ENOX1: variants seen among roughly 807,000 people sequenced by gnomAD.
The protein encoded by ENOX1 is candidate growth-related and time keeping constitutive hydroquinone (NADH) oxidase.
In ENOX1, 42 loss-of-function variants were observed where a neutral mutation model predicts 82.5. That is an observed-to-expected ratio of 0.51 (90% confidence interval 0.40 to 0.66). The LOEUF (loss-of-function observed/expected upper bound fraction) is 0.66, where lower values mean the gene tolerates loss of function less well. Among genes scored for constraint, ENOX1 ranks in the 30% least tolerant of loss-of-function variants. The pLI is 0.00. For synonymous variants in ENOX1, 271 were observed against 282.2 expected (o/e 0.96, Z 0.40); for missense variants, 608 against 811.6 (o/e 0.75, Z 3.05).
chr13:43,618,138 C>T (rs953638452), intron 2 of ENOX1, among the ~76,000 whole-genome samples: 1 of 151,986 alleles, frequency 6.6e-6, no homozygotes, highest in African/African-American at 2.4e-5. Flanking sequence ...AATGTATAGA[C>T]TGTGAAGTCC....
chr13:43,608,411 T>A (rs2082060400), intron 2 of ENOX1, among the ~76,000 whole-genome samples: 1 of 152,174 alleles, frequency 6.6e-6, no homozygotes, highest in Admixed American at 6.5e-5. Context: ...GAATCGCCAA[T>A]CCAATGAAAA....
intron 1 of ENOX1, among the ~76,000 whole-genome samples, chr13:43,780,459 T>C (rs1952197497): frequency 6.6e-6 from 1 of 152,166 alleles, no homozygotes; most frequent in South Asian, 2.1e-4. Flanking sequence ...TTATCAGCTT[T>C]TACACTTTGA....
chr13:43,437,730 T>C (rs1410844696), intron 3 of ENOX1, among the ~76,000 whole-genome samples: 1 of 152,208 alleles, frequency 6.6e-6, no homozygotes, highest in East Asian at 1.9e-4. Flanking sequence ...CTTTTTCCCA[T>C]TCATTCAGTG....
In ENOX1 at chr13:43,350,068, A is replaced by G. The variant is rs1276473920; in HGVS notation, c.824-5318T>C. 2.0e-5 allele frequency among the ~76,000 whole-genome samples: 3 copies of G among 152,240 alleles called. No homozygotes were observed. The East Asian group carries it at 5.8e-4, about 29-fold the overall frequency. ...TAATCTCTGACTAGGCTATTTTACA[A>G]CTTTGTAGGAGTAGAACATAAATTG... On this transcript the variant is annotated intron_variant, in intron 8 of 16. Coordinates refer to ENST00000690772, the MANE Select transcript of ENOX1 (RefSeq NM_001347969.2).
intron 11 of ENOX1, among the ~76,000 whole-genome samples, chr13:43,317,821 C>T (rs1010727428): frequency 6.6e-5 from 10 of 151,446 alleles, no homozygotes; most frequent in African/African-American, 1.7e-4. Context: ...CTGGCTAACA[C>T]GGTGAAACCC....
intron 12 of ENOX1, among the ~76,000 whole-genome samples, chr13:43,290,105 AACACTTAT>A (rs991179310): frequency 5.6e-4 from 86 of 152,344 alleles, no homozygotes; most frequent in African/African-American, 2.0e-3. Flanking sequence ...GAGAAAAGGG[AACACTTAT>A]ACACTGTTGG....
chr13:43,539,202 G>A (rs567174307), intron 2 of ENOX1, among the ~76,000 whole-genome samples: 6 of 151,926 alleles, frequency 3.9e-5, no homozygotes, highest in African/African-American at 1.2e-4. Context: ...TGCTCTCCTC[G>A]TTACTTTCCT....
chr13:43,740,675 C>T (rs997741478), intron 1 of ENOX1, among the ~76,000 whole-genome samples: 16 of 152,110 alleles, frequency 1.1e-4, no homozygotes, highest in Non-Finnish European at 2.9e-5. Context: ...CCATATCCAT[C>T]AGCAGTCACT....
At chr13:43,729,243 C>T (rs1478336256) in intron 1 of ENOX1, among the ~76,000 whole-genome samples, 13 of 152,082 alleles carry the variant, frequency 8.5e-5, no homozygotes, top group Admixed American at 8.5e-4. Context: ...TGTATAAGAG[C>T]TAAATAAGTA....
chr13:43,455,626 C>T (rs1047675657), intron 3 of ENOX1, among the ~76,000 whole-genome samples: 9 of 152,252 alleles, frequency 5.9e-5, no homozygotes, highest in Middle Eastern at 6.8e-3. Flanking sequence ...CCTCACCCCA[C>T]GTCCGTCTGA....
At chr13:43,447,672 G>A (rs1194124714) in intron 3 of ENOX1, among the ~76,000 whole-genome samples, 1 of 152,110 alleles carries the variant, frequency 6.6e-6, no homozygotes, top group Admixed American at 6.5e-5. Context: ...ATGTACATGA[G>A]CATAAAACAG....
At chr13:43,395,007 G>C (rs2053050982) in intron 5 of ENOX1, among the ~76,000 whole-genome samples, 2 of 152,240 alleles carry the variant, frequency 1.3e-5, no homozygotes, top group South Asian at 2.1e-4. Flanking sequence ...TCAGTAGCAA[G>C]AAGGCCCTCT....
intron 5 of ENOX1, among the ~76,000 whole-genome samples, chr13:43,375,326 A>G (rs868042268): frequency 6.6e-6 from 1 of 152,176 alleles, no homozygotes; most frequent in Non-Finnish European, 1.5e-5. Context: ...CTTGCAATCC[A>G]TGGTTCTCAG....
chr13:43,279,400 C>T (rs1168522437), intron 12 of ENOX1, among the ~76,000 whole-genome samples: 2 of 152,146 alleles, frequency 1.3e-5, no homozygotes, highest in African/African-American at 4.8e-5. Flanking sequence ...AGCCTTCTAT[C>T]CTTACAACTG....
chr13:43,414,737 T>C (rs2054341469), intron 3 of ENOX1, among the ~76,000 whole-genome samples: 2 of 152,300 alleles, frequency 1.3e-5, no homozygotes, highest in South Asian at 4.1e-4. Flanking sequence ...GTCTTACTTA[T>C]CTCCCCAAAT....
At chr13:43,386,639 T>C (rs1379762494) in intron 5 of ENOX1, among the ~76,000 whole-genome samples, 4 of 152,236 alleles carry the variant, frequency 2.6e-5, no homozygotes, top group African/African-American at 7.2e-5. Context: ...ATGGTAAGCA[T>C]TGTGTTTGAA....
intron 1 of ENOX1, among the ~76,000 whole-genome samples, chr13:43,753,762 G>A (rs1357261096): frequency 6.6e-6 from 1 of 152,126 alleles, no homozygotes; most frequent in Non-Finnish European, 1.5e-5. Flanking sequence ...TAGTATCTAT[G>A]GTTTTTCCTA....
chr13:43,486,432 T>C (rs537973390), intron 2 of ENOX1, among the ~76,000 whole-genome samples: 1 of 152,042 alleles, frequency 6.6e-6, no homozygotes, highest in South Asian at 2.1e-4. Context: ...AACAACCAAA[T>C]TTTCAGATTA....
At chr13:43,639,410 A>C (rs2083540015) in intron 2 of ENOX1, among the ~76,000 whole-genome samples, 1 of 152,106 alleles carries the variant, frequency 6.6e-6, no homozygotes. Context: ...ATTGTACAAA[A>C]CTCTTAAGAA....
Sources: allele counts gnomAD v4.1 joint callset (sites outside exome capture counted in the v4.1 genomes callset), GRCh38; gene constraint gnomAD v4.1.1; transcripts MANE v1.5; gene names NCBI Gene and HGNC (gene_info 2026-07-23, HGNC 2026-07-21).